The following TBC1D31 variants were observed in gnomAD, a reference collection of about 807,000 sequenced individuals.
TBC1D31 encodes the protein WD repeat domain 67.
A neutral mutation model predicts 132.9 loss-of-function variants in TBC1D31; 99 were observed. The ratio of observed to expected loss-of-function variants is 0.74; its 90% CI spans 0.63 to 0.88. TBC1D31 has a LOEUF of 0.88. Among genes scored for constraint, TBC1D31 ranks in the 40% least tolerant of loss-of-function variants. TBC1D31 has a pLI of 0.00. For synonymous variants in TBC1D31, 385 were observed against 419.4 expected, an observed-to-expected ratio of 0.92 and a Z score of 1.00; for missense variants, 1,134 against 1,256.6, an observed-to-expected ratio of 0.90 and a Z score of 1.48.
intron 2 of TBC1D31, among the ~76,000 whole-genome samples, chr8:123,081,205 A>G (rs1441539934): frequency 1.3e-5 from 2 of 152,080 alleles, no homozygotes; most frequent in African/African-American, 2.4e-5. Context: ...CTCTTCTTCC[A>G]GTGCCTTCCC....
intron 8 of TBC1D31, among the ~76,000 whole-genome samples, chr8:123,107,717 C>A (rs576470398): frequency 6.6e-6 from 1 of 152,178 alleles, no homozygotes; most frequent in African/African-American, 2.4e-5. Context: ...TAGTGTGGAT[C>A]CAATGTGGAT....
rs1820388971 is a variant in TBC1D31 at position 123,129,214 on chromosome 8, CAG to C, written c.2269_2270del (p.Arg757AlafsTer40). On this transcript the variant is annotated frameshift_variant and splice_region_variant, in exon 15 of 22. Transcript: ENST00000287380. LOFTEE classifies it high-confidence loss of function. ...GGAGGAGAAAATGATACAACAAAGA[CAG>C]AGGTATGTGTTATCACTTTAAAAAA... ...QEEEKMIQQR[Q>X]RLAAVKRELK... is the part of the protein sequence containing the mutation. 6.3e-7 allele frequency: 1 copy of C among 1,576,920 alleles called. No individual in the cohort carries two copies. The highest frequency in any genetic ancestry group is 1.4e-5 in the African/African-American group (1 of 74,060).
chr8:123,099,205 C>T (rs577928611), intron 6 of TBC1D31, among the ~76,000 whole-genome samples: 39 of 152,200 alleles, frequency 2.6e-4, no homozygotes, highest in Middle Eastern at 6.8e-3. Flanking sequence ...CTGCAAGCTC[C>T]GCCTCCCAGG....
chr8:123,085,457 T>C (rs950868082), intron 4 of TBC1D31, among the ~76,000 whole-genome samples: 2 of 150,584 alleles, frequency 1.3e-5, no homozygotes, highest in Non-Finnish European at 3.0e-5. Context: ...TTGTTTGAGA[T>C]GGAGTCTTGC....
At chr8:123,106,522 T>G (rs1817935070) in intron 8 of TBC1D31, among the ~76,000 whole-genome samples, 1 of 152,242 alleles carries the variant, frequency 6.6e-6, no homozygotes, top group South Asian at 2.1e-4. Flanking sequence ...ATTATAGGTA[T>G]GTATATATAG....
chr8:123,098,579 C>T (rs945631164), intron 6 of TBC1D31, among the ~76,000 whole-genome samples: 17 of 152,186 alleles, frequency 1.1e-4, no homozygotes, highest in African/African-American at 3.1e-4. Context: ...TGAGCCACTG[C>T]GCCCAGTCTA....
chr8:123,160,598 C>T, the TBC1D31 span, among the ~76,000 whole-genome samples: 3 of 152,128 alleles, frequency 2.0e-5, no homozygotes, highest in Admixed American at 6.5e-5. Context: ...CTGAGCCCGG[C>T]GGCCGCCAGG....
At chr8:123,162,148 C>T in the TBC1D31 span, among the ~76,000 whole-genome samples, 1 of 152,084 alleles carries the variant, frequency 6.6e-6, no homozygotes, top group Non-Finnish European at 1.5e-5. Flanking sequence ...TTAACTGCCT[C>T]CTTGAACTCA....
chr8:123,140,087 TG>T (rs1326341648), intron 17 of TBC1D31, among the ~76,000 whole-genome samples: 2 of 152,142 alleles, frequency 1.3e-5, no homozygotes, highest in Non-Finnish European at 2.9e-5. Context: ...AGGCTGGACA[TG>T]GTGGCTCACA....
At chr8:123,091,121 G>A (rs1348924520) in intron 4 of TBC1D31, among the ~76,000 whole-genome samples, 3 of 152,004 alleles carry the variant, frequency 2.0e-5, no homozygotes, top group Non-Finnish European at 4.4e-5. Context: ...TTAATGTTTT[G>A]AAGTTTTTCC....
chr8:123,112,055 T>C (rs1369751640), intron 10 of TBC1D31, among the ~76,000 whole-genome samples: 1 of 152,140 alleles, frequency 6.6e-6, no homozygotes, highest in Non-Finnish European at 1.5e-5. Flanking sequence ...GAAGTCTTAC[T>C]ATGTGGCCCA....
intron 10 of TBC1D31, among the ~76,000 whole-genome samples, chr8:123,115,651 T>C (rs1251409202): frequency 6.6e-6 from 1 of 152,204 alleles, no homozygotes; most frequent in Non-Finnish European, 1.5e-5. Flanking sequence ...CTAGAGGCTC[T>C]GGGGAGAATC....
intron 10 of TBC1D31, among the ~76,000 whole-genome samples, chr8:123,113,032 A>G (rs549486113): frequency 1.3e-5 from 2 of 152,204 alleles, no homozygotes; most frequent in African/African-American, 4.8e-5. Flanking sequence ...TGCCGAAGGA[A>G]TTAAAAGAGG....
intron 4 of TBC1D31, among the ~76,000 whole-genome samples, chr8:123,088,684 CTTTTA>C (rs1337446155): frequency 1.3e-5 from 2 of 152,090 alleles, no homozygotes; most frequent in Non-Finnish European, 2.9e-5. Context: ...TTAAATAGAA[CTTTTA>C]TTTATTTGTT....
chr8:123,121,024 G>A (rs1819429672), intron 11 of TBC1D31, among the ~76,000 whole-genome samples: 1 of 146,038 alleles, frequency 6.8e-6, no homozygotes, highest in Non-Finnish European at 1.5e-5. Context: ...GTGCAGTAGT[G>A]CTCACTGCAA....
chr8:123,146,193 A>G (rs1408433659), intron 20 of TBC1D31, among the ~76,000 whole-genome samples: 1 of 152,200 alleles, frequency 6.6e-6, no homozygotes, highest in East Asian at 1.9e-4. Context: ...TTTAAAGTGT[A>G]TTATTCAATG....
chr8:123,138,639 G>T (rs146009817), intron 17 of TBC1D31, among the ~76,000 whole-genome samples: 3 of 152,098 alleles, frequency 2.0e-5, no homozygotes. Flanking sequence ...CCATGGATTT[G>T]CCTATTCTGG....
At chr8:123,117,391 A>G (rs1294946108) in intron 10 of TBC1D31, among the ~76,000 whole-genome samples, 1 of 152,174 alleles carries the variant, frequency 6.6e-6, no homozygotes, top group Non-Finnish European at 1.5e-5. Flanking sequence ...TATTAATGGC[A>G]AATGGAAAAA....
chr8:123,109,797 G>T (rs1818278354), intron 10 of TBC1D31, among the ~76,000 whole-genome samples, 177 bp downstream of exon 10: 1 of 152,136 alleles, frequency 6.6e-6, no homozygotes. Flanking sequence ...AGTTTGTGTT[G>T]TGTTCTAGAA....
Sources: gnomAD v4.1 joint callset for allele counts (sites outside exome capture counted in the v4.1 genomes callset) on GRCh38, gnomAD v4.1.1 for gene constraint, MANE v1.5 for transcripts, NCBI Gene and HGNC (gene_info 2026-07-23, HGNC 2026-07-21) for gene names.